The following RBFOX1 variants were observed in gnomAD, a reference collection of about 807,000 sequenced individuals.
RBFOX1 encodes RNA binding protein fox-1 homolog 1.
RBFOX1 carries 8 observed loss-of-function variants against 57.7 expected under a neutral mutation model. That is an observed-to-expected ratio of 0.14 (90% CI 0.08 to 0.25). The LOEUF (loss-of-function observed/expected upper bound fraction) is 0.25. RBFOX1 is among the 10% of genes least tolerant of loss of function. The probability of loss-of-function intolerance (pLI) is 1.00; values close to 1 mark genes in which losing one functional copy is unlikely to be tolerated. For synonymous variants in RBFOX1, 326 were observed against 222.4 expected, an observed-to-expected ratio of 1.47 and a Z score of -4.15; for missense variants, 611 against 548.5, an observed-to-expected ratio of 1.11 and a Z score of -1.14.
chr16:5,705,297 T>A (rs2041256), intron 3 of RBFOX1, among the ~76,000 whole-genome samples: 30,976 of 152,064 alleles, frequency 0.2, 4,425 homozygotes, highest in East Asian at 0.63. Context: ...GGTCTTGCTG[T>A]CTTGTCCAGG....
Position 5,524,261 on chromosome 16 carries a change from T to C in RBFOX1, c.258+57007T>C, listed in dbSNP as rs565592203. Among the ~76,000 whole-genome samples, 4 of 152,280 alleles carry C rather than the reference T, an allele frequency of 2.6e-5. No homozygotes were observed. The South Asian group carries it at 8.3e-4, about 32-fold the overall frequency. On this transcript the variant is annotated intron_variant, in intron 2 of 2. Coordinates refer to the RBFOX1 transcript ENST00000585867. ...AGAGTAACTCAGGAGAGTGTGGACA[T>C]ATTTCCGTGCTGTGTTACTGGAAGG...
intron 3 of RBFOX1, among the ~76,000 whole-genome samples, chr16:6,816,298 G>C (rs1466036904): frequency 6.6e-6 from 1 of 152,148 alleles, no homozygotes; most frequent in Non-Finnish European, 1.5e-5. Context: ...CACAGGGTAA[G>C]ACCTTGTTGC....
chr16:7,230,765 G>C (rs983537261), intron 4 of RBFOX1, among the ~76,000 whole-genome samples: 2 of 152,160 alleles, frequency 1.3e-5, no homozygotes, highest in African/African-American at 4.8e-5. Context: ...TTACACAACT[G>C]AATTTCTGCT....
At chr16:6,756,760 T>A (rs1282416444) in intron 3 of RBFOX1, among the ~76,000 whole-genome samples, 1 of 151,978 alleles carries the variant, frequency 6.6e-6, no homozygotes, top group African/African-American at 2.4e-5. Flanking sequence ...TCATGTGAGG[T>A]CAGGAGTTCG....
chr16:7,407,800 G>A (rs529754341), intron 4 of RBFOX1, among the ~76,000 whole-genome samples: 1 of 152,206 alleles, frequency 6.6e-6, no homozygotes, highest in South Asian at 2.1e-4. Flanking sequence ...CTCTGGTGTT[G>A]TACAGGTTTT....
rs185666531 is a variant in RBFOX1, at chr16:7,373,674, T to C, written c.28-144473T>C. Among the ~76,000 whole-genome samples the C allele has an allele frequency of 1.8e-3, 278 of 151,948 alleles. 5 individuals are homozygous for C. The highest frequency in any genetic ancestry group is 7.9e-4 in the Non-Finnish European group (54 of 68,006). Reference sequence around the variant, plus strand: ...AATAAGAAGTGGTGTCTGACCTGTGTTGGCAGCAATAATTGCAATGGTCAG... The same window carrying C: ...AATAAGAAGTGGTGTCTGACCTGTGCTGGCAGCAATAATTGCAATGGTCAG... On this transcript the variant is annotated intron_variant, in intron 4 of 15. Transcript: ENST00000550418.
chr16:5,572,828 G>A (rs754840537), intron 2 of RBFOX1, among the ~76,000 whole-genome samples: 5 of 152,220 alleles, frequency 3.3e-5, no homozygotes, highest in Non-Finnish European at 7.3e-5. Context: ...AAGAAGTGCA[G>A]TGGACTATGT....
intron 1 of RBFOX1, among the ~76,000 whole-genome samples, chr16:6,084,637 A>T (rs1344751944): frequency 6.6e-6 from 1 of 152,166 alleles, no homozygotes; most frequent in African/African-American, 2.4e-5. Context: ...AAACAGTGAC[A>T]TGGTGAAAAA....
At chr16:5,956,649 TA>T (rs1427438536) in intron 4 of RBFOX1, among the ~76,000 whole-genome samples, 1 of 83,476 alleles carries the variant, frequency 1.2e-5, no homozygotes, top group East Asian at 3.3e-4. Context: ...AATATATATA[TA>T]TATATATTTA....
At chr16:6,995,343 A>T (rs1458687893) in intron 3 of RBFOX1, among the ~76,000 whole-genome samples, 1 of 144,240 alleles carries the variant, frequency 6.9e-6, no homozygotes, top group African/African-American at 2.6e-5. Flanking sequence ...AGAAGTGGTG[A>T]TCCTGCTTTG....
chr16:6,312,808 T>G (rs2080534189), intron 1 of RBFOX1, among the ~76,000 whole-genome samples: 1 of 151,898 alleles, frequency 6.6e-6, no homozygotes, highest in South Asian at 2.1e-4. Flanking sequence ...TGGGTAAATA[T>G]TTACTGAATG....
intron 2 of RBFOX1, among the ~76,000 whole-genome samples, chr16:6,561,853 A>T (rs1228922228): frequency 6.6e-6 from 1 of 152,172 alleles, no homozygotes; most frequent in African/African-American, 2.4e-5. Flanking sequence ...GGAATCCACA[A>T]GTTGGATTCT....
chr16:5,308,021 T>C lies in RBFOX1; in HGVS notation c.219+67916T>C, dbSNP rs183087271. 5.3e-5 allele frequency among the ~76,000 whole-genome samples: 8 copies of C among 152,162 alleles called. No individual in the cohort carries two copies. In the East Asian group the frequency reaches 1.5e-3, roughly 29 times the overall value. On this transcript the variant is annotated intron_variant, in intron 1 of 2. Coordinates refer to the RBFOX1 transcript ENST00000585867. ...AATAGTCATGCTTGTGGTTAAAAAA[T>C]AAAGCAGTACTGAGAGGCTTACAAT...
intron 3 of RBFOX1, among the ~76,000 whole-genome samples, chr16:6,750,983 G>T: frequency 6.6e-6 from 1 of 152,004 alleles, no homozygotes; most frequent in East Asian, 1.9e-4. Context: ...GTGCCAACTG[G>T]CCAAAAAGAG....
intron 2 of RBFOX1, among the ~76,000 whole-genome samples, chr16:5,561,700 T>A (rs891200664): frequency 1.3e-5 from 2 of 152,190 alleles, no homozygotes; most frequent in Non-Finnish European, 2.9e-5. Context: ...CTTTTAATTA[T>A]CTTATCTCCA....
chr16:6,853,383 G>A (rs550213417), intron 3 of RBFOX1, among the ~76,000 whole-genome samples: 16 of 152,148 alleles, frequency 1.1e-4, no homozygotes, highest in South Asian at 2.1e-4. Context: ...GCTGCATAAC[G>A]TTGAATTTTA....
intron 3 of RBFOX1, among the ~76,000 whole-genome samples, chr16:5,739,944 G>A (rs2052716512): frequency 6.6e-6 from 1 of 152,256 alleles, no homozygotes; most frequent in Non-Finnish European, 1.5e-5. Flanking sequence ...TAGAGACAGA[G>A]GAGGTGGGGT....
At chr16:6,360,533 C>G (rs749602644) in intron 2 of RBFOX1, among the ~76,000 whole-genome samples, 36 of 152,250 alleles carry the variant, frequency 2.4e-4, no homozygotes, top group Non-Finnish European at 3.2e-4. Flanking sequence ...TTGAAAGTCT[C>G]TACTCCTCTG....
chr16:7,593,896 C>T (rs2094563087), intron 7 of RBFOX1, among the ~76,000 whole-genome samples: 2 of 152,154 alleles, frequency 1.3e-5, no homozygotes, highest in Admixed American at 1.3e-4. Flanking sequence ...TGAATACATC[C>T]ACATCCCCTG....
Sources: allele counts gnomAD v4.1 joint callset (sites outside exome capture counted in the v4.1 genomes callset), GRCh38; gene constraint gnomAD v4.1.1; transcripts MANE v1.5; gene names NCBI Gene and HGNC (gene_info 2026-07-23, HGNC 2026-07-21).